The following DCN variants were observed in gnomAD, a reference collection of about 807,000 sequenced individuals.
The protein encoded by DCN is decorin.
In DCN, 17 loss-of-function variants were observed where a neutral mutation model predicts 36.5. That is an observed-to-expected ratio of 0.47 (90% confidence interval 0.32 to 0.70). The LOEUF is 0.70. Ranked by LOEUF, DCN falls within the 30% of genes least tolerant of loss-of-function variation. The pLI, the probability that DCN is intolerant of heterozygous loss-of-function variation, is 0.04. For missense variants in DCN, 389 were observed against 430.1 expected, an observed-to-expected ratio of 0.90 and a Z score of 0.84; for synonymous variants, 163 against 161.4, an observed-to-expected ratio of 1.01 and a Z score of -0.07.
chr12:91,181,090 C>G (rs1868374609), intron 1 of DCN: 1 of 151,898 alleles, frequency 6.6e-6, no homozygotes, highest in Non-Finnish European at 1.5e-5. Flanking sequence ...AGACAGGCAG[C>G]TTATAACTTC....
intron 2 of DCN, chr12:91,177,515 G>T: frequency 1.4e-6 from 1 of 694,846 alleles, no homozygotes; most frequent in South Asian, 1.5e-5. Context: ...ATGTGAATGA[G>T]CTGCCATGTA....
rs1880729874 is a variant in DCN at position 91,140,720 on chromosome 12, C to T, written c.*5338G>A. ...GAGCTCCAAAATTCTAGATCTAAAT[C>T]CTCCTTGACACCTCCATATGGAAGT... On this transcript the variant is annotated 3_prime_UTR_variant, in exon 8 of 8. Coordinates refer to ENST00000052754, the MANE Select transcript of DCN (RefSeq NM_001920.5). 1 of 152,186 alleles carries T rather than the reference C, an allele frequency of 6.6e-6. No individual in the cohort carries two copies. Among genetic ancestry groups the T allele is most frequent in the Non-Finnish European group, 1.5e-5 (1 of 68,022 alleles). The allele number at this position is 152,186 out of a possible 1,614,324, so 9.4% of individuals were successfully genotyped here.
intron 2 of DCN, chr12:91,175,725 G>A (rs187808730): frequency 5.2e-4 from 79 of 152,128 alleles, no homozygotes; most frequent in African/African-American, 1.9e-3. Flanking sequence ...ATACAGATAA[G>A]CATTAACATT....
At chr12:91,153,228 A>G (rs747862680) in intron 5 of DCN, 39 bp from the exon 6 acceptor site, 1 of 1,111,498 alleles carries the variant, frequency 9.0e-7, no homozygotes, top group South Asian at 1.2e-5. Flanking sequence ...TAGCAGATAA[A>G]CATTATAAGT....
At chr12:91,149,363 T>C (rs1327841284) in intron 7 of DCN, among the ~76,000 whole-genome samples, 1 of 152,214 alleles carries the variant, frequency 6.6e-6, no homozygotes, top group Non-Finnish European at 1.5e-5. Flanking sequence ...CTCGCATGAT[T>C]ATCTCAATAG....
At chr12:91,154,816 C>G (rs901204659) in intron 5 of DCN, among the ~76,000 whole-genome samples, 1 of 152,110 alleles carries the variant, frequency 6.6e-6, no homozygotes, top group African/African-American at 2.4e-5. Flanking sequence ...GTAATCCTCA[C>G]AATAATCCTA....
chr12:91,151,921 A>C, intron 6 of DCN, 129 bp from the exon 7 acceptor site: 1 of 1,012,542 alleles, frequency 9.9e-7, no homozygotes, highest in Non-Finnish European at 1.5e-6. Context: ...CAGTTCTTGG[A>C]GTGCTTTCTC....
At chr12:91,171,324 T>C (rs1194060199) in intron 2 of DCN, among the ~76,000 whole-genome samples, 1 of 152,202 alleles carries the variant, frequency 6.6e-6, no homozygotes, top group Non-Finnish European at 1.5e-5. Flanking sequence ...ATAATTATGC[T>C]CAAACTTCTC....
intron 1 of DCN, among the ~76,000 whole-genome samples, chr12:91,181,505 T>C (rs1868400745): frequency 6.6e-6 from 1 of 152,068 alleles, no homozygotes. Flanking sequence ...TTTTAAGTAG[T>C]CTAAAAATGC....
chr12:91,151,824 C>G (rs768500451), intron 6 of DCN, 32 bp from the exon 7 acceptor site: 3 of 1,613,012 alleles, frequency 1.9e-6, no homozygotes, highest in Middle Eastern at 1.6e-4. Flanking sequence ...AAAGCAAACA[C>G]CACACATGGA....
chr12:91,142,306 G>A lies in DCN; in HGVS notation c.*3752C>T, dbSNP rs1466421532. ...TTGTGTGTGTGAAGGGGCAGTCTTG[G>A]ACTGGGACTGCCTGGAACATTGGAT... On this transcript the variant is annotated 3_prime_UTR_variant, in exon 8 of 8. Transcript: ENST00000052754. The A allele has an allele frequency of 1.3e-5, 2 of 152,176 alleles. No homozygotes were observed. The highest frequency in any genetic ancestry group is 1.3e-4 in the Admixed American group (2 of 15,266). 9.4% of individuals were successfully genotyped at this position (152,176 alleles called of 1,614,324 possible). A position where few individuals can be genotyped will look rare whatever the true frequency, so the allele number is the denominator to read the frequency against.
At chr12:91,167,670 C>CT (rs1882664188) in intron 2 of DCN, among the ~76,000 whole-genome samples, 1 of 152,034 alleles carries the variant, frequency 6.6e-6, no homozygotes, top group African/African-American at 2.4e-5. Flanking sequence ...TTTACTTATC[C>CT]CAGAAATCAG....
intron 7 of DCN, chr12:91,151,196 A>AT (rs148694970): frequency 0.032 from 6,258 of 194,028 alleles, 285 homozygotes; most frequent in African/African-American, 0.12. Context: ...AACGTATCTC[A>AT]TTTTTTTTTT....
At chr12:91,149,693 A>C (rs1881281541) in intron 7 of DCN, among the ~76,000 whole-genome samples, 1 of 152,246 alleles carries the variant, frequency 6.6e-6, no homozygotes, top group African/African-American at 2.4e-5. Flanking sequence ...TGAATATAGA[A>C]TATCCAAAGG....
chr12:91,156,214 C>T (rs965629702), intron 5 of DCN, among the ~76,000 whole-genome samples: 1 of 152,120 alleles, frequency 6.6e-6, no homozygotes, highest in Non-Finnish European at 1.5e-5. Context: ...GCTATGTGGT[C>T]ATTGCTGTGT....
In DCN at chr12:91,140,658, C is replaced by A. The variant is rs1423032739; in HGVS notation, c.*5400G>T. Reference sequence around the variant, plus strand: ...AGGATCACAATCTATATTCCGGCATCTCTAGAATTTATGTCTACAGCTCAA... The same window carrying A: ...AGGATCACAATCTATATTCCGGCATATCTAGAATTTATGTCTACAGCTCAA... On this transcript the variant is annotated 3_prime_UTR_variant, in exon 8 of 8. Coordinates refer to ENST00000052754, the MANE Select transcript of DCN (RefSeq NM_001920.5). 1 of 152,214 alleles carries A rather than the reference C, an allele frequency of 6.6e-6. No homozygotes were observed. The highest frequency in any genetic ancestry group is 2.4e-5 in the African/African-American group (1 of 41,464). 9.4% of individuals were successfully genotyped at this position (152,214 alleles called of 1,614,324 possible).
At chr12:91,149,393 G>GA (rs1173933454) in intron 7 of DCN, among the ~76,000 whole-genome samples, 5 of 152,036 alleles carry the variant, frequency 3.3e-5, no homozygotes, top group African/African-American at 9.7e-5. Context: ...AAACATGTAA[G>GA]AAAAAAATTC....
Position 91,157,141 on chromosome 12 carries a change from A to G in DCN, c.586T>C (p.Phe196Leu). The change falls in exon 5 of 8, where the codon TTC becomes CTC. Residue 196 changes from phenylalanine to leucine, a missense_variant. Physicochemically the swap from Phe to Leu is conservative, Grantham distance 22. Transcript: ENST00000052754. ...TAGGAGAGCTTCTTCATTCCCTGGA[A>G]AGCCCCATTTTCAATTCCTGAGCTC... Reference protein sequence around the residue: ...LKSSGIENGAFQGMKKLSYIR... With the variant: ...LKSSGIENGALQGMKKLSYIR... The G allele has an allele frequency of 6.2e-7, 1 of 1,614,008 alleles. No homozygotes were observed. The highest frequency in any genetic ancestry group is 8.5e-7 in the Non-Finnish European group (1 of 1,179,884).
chr12:91,177,575 G>C, intron 2 of DCN: 1 of 702,164 alleles, frequency 1.4e-6, no homozygotes, highest in Non-Finnish European at 2.6e-6. Flanking sequence ...AATCTTTCTG[G>C]AGATTTATCT....
Sources: gnomAD v4.1 joint callset for allele counts (sites outside exome capture counted in the v4.1 genomes callset) on GRCh38, gnomAD v4.1.1 for gene constraint, MANE v1.5 for transcripts, NCBI Gene and HGNC (gene_info 2026-07-23, HGNC 2026-07-21) for gene names.